Variants in FALEC observed in about 807,000 individuals in gnomAD.
The protein encoded by FALEC is focally amplified lncRNA on chromosome 1.
chr1:150,519,663 T>C (rs1670614243), downstream of FALEC, among the ~76,000 whole-genome samples: 1 of 151,742 alleles, frequency 6.6e-6, no homozygotes, highest in South Asian at 2.1e-4. Context: ...GAGACCAGCC[T>C]GGCCAAGATG....
chr1:150,525,879 C>T, the FALEC span, among the ~76,000 whole-genome samples: 3 of 152,078 alleles, frequency 2.0e-5, no homozygotes, highest in Non-Finnish European at 4.4e-5. Context: ...TGGCTTCAAG[C>T]AATTCTCCCA....
At chr1:150,534,120 A>T in the FALEC span, among the ~76,000 whole-genome samples, 1 of 152,150 alleles carries the variant, frequency 6.6e-6, no homozygotes, top group Non-Finnish European at 1.5e-5. Flanking sequence ...CCAGGGTCAG[A>T]TCCTAACCCA....
chr1:150,535,384 C>T, the FALEC span, among the ~76,000 whole-genome samples: 1 of 152,152 alleles, frequency 6.6e-6, no homozygotes, highest in East Asian at 1.9e-4. Flanking sequence ...GCTGGGATTA[C>T]AGGCGCCCGC....
At chr1:150,520,018 G>A (rs1387908895), downstream of FALEC, among the ~76,000 whole-genome samples, 2 of 152,102 alleles carry the variant, frequency 1.3e-5, no homozygotes, top group African/African-American at 2.4e-5. Context: ...GTGTGGTGGT[G>A]CATGCCTGTA....
downstream of FALEC, among the ~76,000 whole-genome samples, chr1:150,522,926 CAT>C (rs1375473981): frequency 3.8e-4 from 16 of 42,286 alleles, no homozygotes; most frequent in East Asian, 4.6e-3. Flanking sequence ...TATATATATA[CAT>C]ATATATGTGT....
chr1:150,518,149 C>T (rs1481032043), downstream of FALEC: 5 of 152,156 alleles, frequency 3.3e-5, no homozygotes, highest in African/African-American at 4.8e-5. Flanking sequence ...ACTGTACAAT[C>T]TGTCAGTTTT....
chr1:150,529,801 G>A, the FALEC span, among the ~76,000 whole-genome samples: 2 of 152,104 alleles, frequency 1.3e-5, no homozygotes, highest in Admixed American at 6.5e-5. Flanking sequence ...GTTTTCCCAT[G>A]TTGGCCAGGA....
At chr1:150,523,002 G>A (rs1477998434), downstream of FALEC, among the ~76,000 whole-genome samples, 1 of 10,016 alleles carries the variant, frequency 1.0e-4, no homozygotes, top group Non-Finnish European at 2.5e-4. Flanking sequence ...TTTTTTTTTT[G>A]AGACAGAGTC....
At chr1:150,519,483 G>A (rs865894249), downstream of FALEC, among the ~76,000 whole-genome samples, 2 of 152,156 alleles carry the variant, frequency 1.3e-5, no homozygotes, top group Non-Finnish European at 2.9e-5. Context: ...CACTTTGGGA[G>A]ACCGAGGTGG....
the FALEC span, among the ~76,000 whole-genome samples, chr1:150,529,016 C>CAAAAAAAAAAAAGAAAAAA: frequency 1.7e-5 from 1 of 59,286 alleles, no homozygotes; most frequent in Non-Finnish European, 3.0e-5. Context: ...AAATAAATAG[C>CAAAAAAAAAAAAGAAAAAA]AAAAAAAAAA....
chr1:150,519,056 CAACA>C (rs1236962476), downstream of FALEC, among the ~76,000 whole-genome samples: 7 of 152,062 alleles, frequency 4.6e-5, no homozygotes, highest in South Asian at 2.1e-4. Context: ...AACTCTGTCT[CAACA>C]AACAAACAAA....
the FALEC span, among the ~76,000 whole-genome samples, chr1:150,529,539 C>T: frequency 5.3e-5 from 8 of 152,210 alleles, no homozygotes; most frequent in African/African-American, 1.2e-4. Flanking sequence ...TTACCCCAAA[C>T]GTCTTCCCCT....
At chr1:150,531,359 CA>C in the FALEC span, among the ~76,000 whole-genome samples, 1 of 152,164 alleles carries the variant, frequency 6.6e-6, no homozygotes, top group African/African-American at 2.4e-5. Flanking sequence ...CCTGTAATCC[CA>C]GCTACTCTGG....
the FALEC span, among the ~76,000 whole-genome samples, chr1:150,528,546 G>A: frequency 1.3e-5 from 2 of 151,628 alleles, no homozygotes; most frequent in Non-Finnish European, 2.9e-5. Context: ...CTGTCCCTGA[G>A]TGGTCCTCAT....
the FALEC span, among the ~76,000 whole-genome samples, chr1:150,524,851 G>A: frequency 6.6e-6 from 1 of 152,004 alleles, no homozygotes; most frequent in Non-Finnish European, 1.5e-5. Context: ...ATAAATTAGA[G>A]TGGTGTGGTG....
intron 1 of FALEC, among the ~76,000 whole-genome samples, chr1:150,516,734 T>C (rs749554291): frequency 3.8e-4 from 58 of 152,244 alleles, no homozygotes; most frequent in Non-Finnish European, 6.0e-4. Context: ...AATTCAAGCT[T>C]GAGTAGGGTT....
downstream of FALEC, among the ~76,000 whole-genome samples, chr1:150,522,902 T>C (rs188572808): frequency 1.7e-3 from 91 of 53,142 alleles, 1 homozygote; most frequent in South Asian, 8.4e-3. Context: ...TATATATATA[T>C]ACATATATAT....
the FALEC span, among the ~76,000 whole-genome samples, chr1:150,534,911 C>T: frequency 1.5e-4 from 23 of 152,056 alleles, no homozygotes; most frequent in Non-Finnish European, 1.5e-5. Context: ...TTTGCCTCCC[C>T]ACAAATAGGC....
the FALEC span, among the ~76,000 whole-genome samples, chr1:150,529,187 G>A: frequency 6.6e-6 from 1 of 152,194 alleles, no homozygotes; most frequent in Non-Finnish European, 1.5e-5. Flanking sequence ...GACCATTGTG[G>A]GAACGGGGTG....
Sources: allele counts gnomAD v4.1 joint callset (sites outside exome capture counted in the v4.1 genomes callset), GRCh38; gene constraint gnomAD v4.1.1; transcripts MANE v1.5; gene names NCBI Gene and HGNC (gene_info 2026-07-23, HGNC 2026-07-21).